Variants in MEI4 observed in about 807,000 individuals in gnomAD.
The protein encoded by MEI4 is meiosis-specific protein MEI4.
In MEI4, 27 loss-of-function variants were observed where a neutral mutation model predicts 31.4. The observed-to-expected ratio is 0.86, with a 90% CI of 0.63 to 1.19. The LOEUF is 1.19. Ranked by LOEUF, MEI4 falls within the 50% of genes most tolerant of loss-of-function variation. The pLI is 0.00. For synonymous variants in MEI4, 122 were observed against 145.4 expected, an observed-to-expected ratio of 0.84 and a Z score of 1.16; for missense variants, 329 against 398.9, an observed-to-expected ratio of 0.82 and a Z score of 1.49.
At chr6:77,836,813 C>T (rs1200773360) in intron 4 of MEI4, among the ~76,000 whole-genome samples, 1 of 152,060 alleles carries the variant, frequency 6.6e-6, no homozygotes, top group Non-Finnish European at 1.5e-5. Flanking sequence ...AGCAATCAAT[C>T]CATCAGAGAG....
intron 4 of MEI4, among the ~76,000 whole-genome samples, chr6:77,868,064 G>T (rs1771092673): frequency 6.8e-6 from 1 of 147,118 alleles, no homozygotes; most frequent in Non-Finnish European, 1.5e-5. Flanking sequence ...TCTGGGGACT[G>T]TTGTGGGGTG....
At chr6:77,796,385 GAAAT>G (rs899977957) in intron 3 of MEI4, among the ~76,000 whole-genome samples, 1 of 152,024 alleles carries the variant, frequency 6.6e-6, no homozygotes, top group African/African-American at 2.4e-5. Context: ...GCAAGAAAAA[GAAAT>G]AAAAGATTCA....
In MEI4 at chr6:77,820,311, C is replaced by T. The variant is rs920191117; in HGVS notation, c.769-8620C>T. ...TTGCCCAGGCTGGAGGGCAATAGCG[C>T]GATCTTGGCTCACTTTGGCTCACTG... On this transcript the variant is annotated intron_variant, in intron 3 of 4. Transcript: ENST00000684080. The surrounding 1 kb of genome is among the most constrained non-coding windows in gnomAD (Gnocchi z 4.5). Among the ~76,000 whole-genome samples, 9 of 151,856 alleles carry T rather than the reference C, an allele frequency of 5.9e-5. No homozygotes were observed. The highest frequency in any genetic ancestry group is 3.2e-3 in the Middle Eastern group (1 of 316).
intron 4 of MEI4, among the ~76,000 whole-genome samples, chr6:77,868,528 T>TATATATATATATATATATATAA (rs1771115144): frequency 1.4e-5 from 2 of 139,094 alleles, no homozygotes; most frequent in African/African-American, 2.6e-5. Flanking sequence ...TATATATATA[T>TATATATATATATATATATATAA]GCAGATTTCA....
In MEI4 at chr6:77,793,801, TAA is replaced by T. The variant is rs1338565528; in HGVS notation, c.768+32137_768+32138del. Reference sequence around the variant, plus strand: ...AGCCTCTAATTGATACAGAAAAAATTAAGAGAAAAAAATGAAAGCATACCACA... The same window carrying T: ...AGCCTCTAATTGATACAGAAAAAATTGAGAAAAAAATGAAAGCATACCACA... On this transcript the variant is annotated intron_variant, in intron 3 of 4. Coordinates refer to ENST00000684080, the MANE Select transcript of MEI4 (RefSeq NM_001322247.2). Among the ~76,000 whole-genome samples, 3 of 151,442 alleles carry T rather than the reference TAA, an allele frequency of 2.0e-5. No individual in the cohort carries two copies. In the East Asian group the frequency reaches 5.8e-4, roughly 29 times the overall value.
intron 4 of MEI4, among the ~76,000 whole-genome samples, chr6:77,892,885 G>A (rs769107133): frequency 2.0e-4 from 31 of 152,144 alleles, no homozygotes; most frequent in South Asian, 1.0e-3. Flanking sequence ...TGGGGCGTGT[G>A]TGGGACCCGT....
chr6:77,689,205 G>A (rs2127651845), intron 1 of MEI4, among the ~76,000 whole-genome samples: 1 of 151,688 alleles, frequency 6.6e-6, no homozygotes, highest in Non-Finnish European at 1.5e-5. Context: ...TTGTAACTGG[G>A]GTCCTACTGT....
chr6:77,759,341 A>G (rs1767992756), intron 2 of MEI4, among the ~76,000 whole-genome samples: 1 of 152,022 alleles, frequency 6.6e-6, no homozygotes, highest in Admixed American at 6.6e-5. Context: ...ACTCTCTCTG[A>G]ATGATTGTAA....
intron 2 of MEI4, among the ~76,000 whole-genome samples, chr6:77,742,681 C>A (rs944077751): frequency 1.1e-4 from 16 of 151,274 alleles, no homozygotes; most frequent in South Asian, 8.3e-4. Context: ...TGTTTTAGAC[C>A]TGAAGTCCTT....
chr6:77,731,930 A>C (rs550088871), intron 2 of MEI4, among the ~76,000 whole-genome samples: 2 of 150,678 alleles, frequency 1.3e-5, no homozygotes, highest in Non-Finnish European at 3.0e-5. Flanking sequence ...CAAAGATCAG[A>C]TAGTTGTACA....
intron 4 of MEI4, among the ~76,000 whole-genome samples, chr6:77,862,103 G>A (rs559716745): frequency 4.5e-4 from 68 of 151,186 alleles, no homozygotes; most frequent in Admixed American, 1.1e-3. Context: ...CAAGATGGCC[G>A]AATAGGAACA....
At chr6:77,863,955 C>A (rs1201457997) in intron 4 of MEI4, among the ~76,000 whole-genome samples, 1 of 152,070 alleles carries the variant, frequency 6.6e-6, no homozygotes, top group Non-Finnish European at 1.5e-5. Flanking sequence ...AATTTTGAAC[C>A]CAGAATTTCA....
rs1766846249 is a variant in MEI4 at position 77,926,414 on chromosome 6, T to C, written c.*3068T>C. 6.6e-6 allele frequency: 1 copy of C among 151,948 alleles called. No individual in the cohort carries two copies. The highest frequency in any genetic ancestry group is 2.1e-4 in the South Asian group (1 of 4,836). 9.4% of individuals were successfully genotyped at this position (151,948 alleles called of 1,614,324 possible). ...GTACAGAGCTCCCTCCAGAGGTGTTTAGGTAGACTGTGAGGCTGTAATGAT... is the reference window on the plus strand; with the variant it reads ...GTACAGAGCTCCCTCCAGAGGTGTTCAGGTAGACTGTGAGGCTGTAATGAT... On this transcript the variant is annotated 3_prime_UTR_variant, in exon 5 of 5. Transcript: ENST00000684080.
At chr6:77,754,008 A>G (rs1164163064) in intron 2 of MEI4, among the ~76,000 whole-genome samples, 2 of 151,996 alleles carry the variant, frequency 1.3e-5, no homozygotes, top group Non-Finnish European at 2.9e-5. Flanking sequence ...TCAGCAGAAA[A>G]CCAAACACCG....
chr6:77,786,906 G>A (rs1768751277), intron 3 of MEI4, among the ~76,000 whole-genome samples: 1 of 152,170 alleles, frequency 6.6e-6, no homozygotes, highest in Non-Finnish European at 1.5e-5. Flanking sequence ...ACTACATCAT[G>A]TTGATGAATA....
At chr6:77,906,896 A>G (rs1766307966) in intron 4 of MEI4, among the ~76,000 whole-genome samples, 1 of 152,168 alleles carries the variant, frequency 6.6e-6, no homozygotes, top group Admixed American at 6.5e-5. Context: ...TGCTTAACCC[A>G]AAGCATGGGT....
chr6:77,760,164 G>T (rs1768008864), intron 2 of MEI4, among the ~76,000 whole-genome samples: 1 of 151,816 alleles, frequency 6.6e-6, no homozygotes, highest in African/African-American at 2.4e-5. Context: ...TAGTTTCATG[G>T]ATCTATACCA....
chr6:77,910,813 ATTTTTTGT>A (rs1339979467), intron 4 of MEI4, among the ~76,000 whole-genome samples: 3 of 151,414 alleles, frequency 2.0e-5, no homozygotes, highest in Non-Finnish European at 4.4e-5. Flanking sequence ...TTGTAATTCT[ATTTTTTGT>A]TTTTTTGAGA....
At chr6:77,752,115 A>T (rs1000769228) in intron 2 of MEI4, among the ~76,000 whole-genome samples, 13 of 152,228 alleles carry the variant, frequency 8.5e-5, no homozygotes, top group Non-Finnish European at 1.5e-4. Flanking sequence ...GATGGAACGT[A>T]TCTCAAAATA....
Sources: allele counts gnomAD v4.1 joint callset (sites outside exome capture counted in the v4.1 genomes callset), GRCh38; gene constraint gnomAD v4.1.1; non-coding constraint Gnocchi (gnomAD v3.1); transcripts MANE v1.5; gene names NCBI Gene and HGNC (gene_info 2026-07-23, HGNC 2026-07-21).